Variants in TMEM131 observed in about 807,000 individuals in gnomAD.
TMEM131 encodes the protein 2610524E03Rik.
A neutral mutation model predicts 211.6 loss-of-function variants in TMEM131; 66 were observed. The ratio of observed to expected loss-of-function variants is 0.31; its 90% confidence interval spans 0.26 to 0.38. The LOEUF is 0.38. Among genes scored for constraint, TMEM131 ranks in the 10% least tolerant of loss-of-function variants. The pLI, the probability that TMEM131 is intolerant of heterozygous loss-of-function variation, is 1.00. For synonymous variants in TMEM131, 844 were observed against 841.3 expected (o/e 1.00, Z -0.06); for missense variants, 2,036 against 2,299.3 (o/e 0.89, Z 2.34).
intron 32 of TMEM131, among the ~76,000 whole-genome samples, chr2:97,774,568 G>A (rs1679624499): frequency 1.3e-5 from 2 of 152,202 alleles, no homozygotes; most frequent in African/African-American, 4.8e-5. Context: ...AAATAGCACG[G>A]AAGAAGCTGG....
Position 97,818,639 on chromosome 2 carries a change from G to A in TMEM131, c.1157C>T (p.Thr386Ile), listed in dbSNP as rs1158110120. Residue 386 changes from threonine to isoleucine, a missense_variant, in exon 12 of 41, where the codon ACC (threonine) becomes ATC (isoleucine). Physicochemically the swap from Thr to Ile is moderately conservative, Grantham distance 89 (BLOSUM62 -1). Coordinates refer to ENST00000186436, the MANE Select transcript of TMEM131 (RefSeq NM_015348.2). ...ITLKASESKY[T>I]KVASISFDAS... ...ATCAAAACTAATGCTTGCAACCTTG[G>A]TGTATTTACTTTCTGATGCTTTTAA... 2.5e-6 allele frequency: 4 copies of A among 1,605,132 alleles called. No homozygotes were observed. In the East Asian group the frequency reaches 6.7e-5, roughly 27 times the overall value.
chr2:97,788,197 A>G (rs1680338753), intron 31 of TMEM131, among the ~76,000 whole-genome samples: 1 of 152,146 alleles, frequency 6.6e-6, no homozygotes, highest in Admixed American at 6.5e-5. Context: ...GCTGCAGGGT[A>G]CAAGTGAGAA....
intron 4 of TMEM131, 116 bp downstream of exon 4, chr2:97,887,936 A>G: frequency 4.0e-6 from 3 of 757,818 alleles, no homozygotes; most frequent in Non-Finnish European, 4.4e-6. Context: ...TTTCCTGATG[A>G]CTAGAACATG....
chr2:97,877,294 A>C (rs1030211741), intron 4 of TMEM131, among the ~76,000 whole-genome samples: 5 of 152,252 alleles, frequency 3.3e-5, no homozygotes, highest in African/African-American at 9.6e-5. Flanking sequence ...AGTAATTTAT[A>C]GATTCACTGC....
In TMEM131 at chr2:97,792,448, T is replaced by C. The variant is rs370325214; in HGVS notation, c.4082A>G (p.His1361Arg). 8.7e-6 allele frequency: 14 copies of C among 1,612,954 alleles called. No individual in the cohort carries two copies. Among genetic ancestry groups the C allele is most frequent in the African/African-American group, 5.3e-5 (4 of 74,860 alleles). ...IEAMDKDFDH[H>R]DSPALEVFTE... is the part of the protein sequence containing the mutation. ...AAACACTTCTAGGGCTGGGGAGTCA[T>C]GGTGGTCGAAGTCTTTGTCCATGGC... Residue 1361 changes from histidine to arginine, a missense_variant, in exon 31 of 41, where the codon CAT (histidine) becomes CGT (arginine). His to Arg is a conservative substitution (Grantham distance 29, BLOSUM62 0). This residue lies in a region of TMEM131 where 1,623 missense variants were observed against 1,805.9 expected (regional missense o/e 0.90). Coordinates refer to ENST00000186436, the MANE Select transcript of TMEM131 (RefSeq NM_015348.2).
intron 12 of TMEM131, among the ~76,000 whole-genome samples, chr2:97,817,568 GTCT>G (rs1459100460): frequency 6.6e-6 from 1 of 152,182 alleles, no homozygotes; most frequent in Non-Finnish European, 1.5e-5. Context: ...TGGCATTAAT[GTCT>G]TCTATAATAC....
chr2:97,784,962 G>A (rs1680181434), intron 31 of TMEM131, among the ~76,000 whole-genome samples: 1 of 152,080 alleles, frequency 6.6e-6, no homozygotes, highest in Non-Finnish European at 1.5e-5. Flanking sequence ...ACATCAACAT[G>A]ATGGTAAGGG....
rs562352422 is a variant in TMEM131 at position 97,761,328 on chromosome 2, C to T, written c.4890-414G>A. The T allele has an allele frequency of 9.4e-5, 16 of 169,376 alleles. No individual in the cohort carries two copies. In the East Asian group the frequency reaches 1.8e-3, roughly 19 times the overall value. 10.5% of individuals were successfully genotyped at this position (169,376 alleles called of 1,614,324 possible). ...GTGCTCCTGTGGCAAGGCCCAGAAG[C>T]GGGGTGGCTCCCCCAGCCTCAGTGG... On this transcript the variant is annotated intron_variant, in intron 36 of 40. Coordinates refer to ENST00000186436, the MANE Select transcript of TMEM131 (RefSeq NM_015348.2).
At chr2:97,867,375 A>T (rs1315371775) in intron 4 of TMEM131, among the ~76,000 whole-genome samples, 2 of 151,958 alleles carry the variant, frequency 1.3e-5, no homozygotes, top group Non-Finnish European at 2.9e-5. Context: ...GTTATTAGTT[A>T]TATATATATA....
Position 97,805,231 on chromosome 2 carries a change from T to A in TMEM131, c.2285-26A>T, listed in dbSNP as rs1681241133. On this transcript the variant is annotated intron_variant, in intron 21 of 40. Coordinates refer to ENST00000186436, the MANE Select transcript of TMEM131 (RefSeq NM_015348.2). ...CTAAAACAAGGAAACATACTTAACC[T>A]GCATCTATACTCACTTGTCAATTTT... is the stretch of plus-strand genomic sequence containing the variant. 5.0e-6 allele frequency: 8 copies of A among 1,596,884 alleles called. 1 individual carries two copies. The highest frequency in any genetic ancestry group is 1.1e-5 in the South Asian group (1 of 89,460).
intron 7 of TMEM131, among the ~76,000 whole-genome samples, chr2:97,837,866 T>G (rs2105080860): frequency 6.6e-6 from 1 of 152,362 alleles, no homozygotes. Context: ...TCATGCCTTG[T>G]GCAATCCATC....
intron 11 of TMEM131, among the ~76,000 whole-genome samples, chr2:97,829,224 C>T (rs540803667): frequency 3.3e-5 from 5 of 152,310 alleles, no homozygotes; most frequent in African/African-American, 1.2e-4. Flanking sequence ...ACTTGGAGAA[C>T]TTTTCTGTCT....
At chr2:97,910,915 C>T (rs1439099433) in intron 2 of TMEM131, among the ~76,000 whole-genome samples, 1 of 152,094 alleles carries the variant, frequency 6.6e-6, no homozygotes, top group Non-Finnish European at 1.5e-5. Context: ...CAAATCACTC[C>T]ACTCCTAGAT....
chr2:97,843,796 A>G (rs931214264), intron 6 of TMEM131, among the ~76,000 whole-genome samples: 5 of 152,238 alleles, frequency 3.3e-5, no homozygotes, highest in South Asian at 4.1e-4. Context: ...CTACTAAAGG[A>G]AAGTAGACAT....
intron 1 of TMEM131, among the ~76,000 whole-genome samples, chr2:97,961,232 T>C (rs966799703): frequency 4.6e-5 from 7 of 151,926 alleles, no homozygotes; most frequent in Non-Finnish European, 7.4e-5. Flanking sequence ...CACTGAACAA[T>C]TGAAAAATAA....
At chr2:97,895,302 G>A (rs899887419) in intron 3 of TMEM131, among the ~76,000 whole-genome samples, 1 of 152,188 alleles carries the variant, frequency 6.6e-6, no homozygotes, top group South Asian at 2.1e-4. Flanking sequence ...TCGCATCGAT[G>A]TTCATTAGGG....
At chr2:97,897,319 T>C (rs771713525) in intron 3 of TMEM131, among the ~76,000 whole-genome samples, 2 of 152,112 alleles carry the variant, frequency 1.3e-5, no homozygotes, top group Admixed American at 6.6e-5. Context: ...ATGTTTAATG[T>C]AAGTGATGAA....
chr2:97,762,197 G>A lies in TMEM131; in HGVS notation c.4727C>T (p.Thr1576Ile). The change falls in exon 36 of 41, where the codon ACT (threonine) becomes ATT (isoleucine). Residue 1576 changes from threonine to isoleucine, a missense_variant. Physicochemically the swap from Thr to Ile is moderately conservative, Grantham distance 89 (BLOSUM62 -1). Coordinates refer to ENST00000186436, the MANE Select transcript of TMEM131 (RefSeq NM_015348.2). ...SVPVHKPGSS[T>I]DSLYKLSLQT... ...CAGAGAAAGTTTATAAAGACTATCA[G>A]TAGCTGGAAATTAAAAACAAACGGG... 4 of 1,613,856 alleles carry A rather than the reference G, an allele frequency of 2.5e-6. No homozygotes were observed. The highest frequency in any genetic ancestry group is 3.4e-6 in the Non-Finnish European group (4 of 1,179,850).
In TMEM131 at chr2:97,759,009, A is replaced by G. The variant is rs1320909410; in HGVS notation, c.5251T>C (p.Ser1751Pro). ...TTAAACTCGTTCCAGCTCCTCTGTGAGGCCTGATTGCACGATCGAGATAAT... is the reference window on the plus strand; with the variant it reads ...TTAAACTCGTTCCAGCTCCTCTGTGGGGCCTGATTGCACGATCGAGATAAT... The part of the protein sequence containing the change: ...LGLSRSCNQA[S>P]QRSWNEFNSG... Residue 1751 changes from serine to proline, a missense_variant, in exon 40 of 41, where the codon TCA becomes CCA. By Grantham distance (74) the Ser-to-Pro change is moderately conservative (BLOSUM62 -1). Transcript: ENST00000186436. 6.2e-7 allele frequency: 1 copy of G among 1,614,078 alleles called. No homozygotes were observed. The highest frequency in any genetic ancestry group is 2.2e-5 in the East Asian group (1 of 44,874).
Sources: allele counts gnomAD v4.1 joint callset (sites outside exome capture counted in the v4.1 genomes callset), GRCh38; gene constraint gnomAD v4.1.1; regional missense constraint gnomAD v4.1.1; transcripts MANE v1.5; gene names NCBI Gene and HGNC (gene_info 2026-07-23, HGNC 2026-07-21).